The following PTPRN2 variants were observed in gnomAD, a reference collection of about 807,000 sequenced individuals.
PTPRN2 encodes the protein receptor-type tyrosine-protein phosphatase N2.
Under a neutral mutation model 118.8 loss-of-function variants are expected in PTPRN2, and 74 were observed. The ratio of observed to expected loss-of-function variants is 0.62; its 90% confidence interval spans 0.52 to 0.76. PTPRN2 has a LOEUF of 0.76. Among genes scored for constraint, PTPRN2 ranks in the 30% least tolerant of loss-of-function variants. PTPRN2 has a pLI of 0.00. For missense variants in PTPRN2, 1,481 were observed against 1,394.4 expected, an observed-to-expected ratio of 1.06 and a Z score of -0.99; for synonymous variants, 641 against 608.0, an observed-to-expected ratio of 1.05 and a Z score of -0.80.
chr7:158,532,238 T>C (rs1251151276), intron 1 of PTPRN2, among the ~76,000 whole-genome samples: 1 of 152,184 alleles, frequency 6.6e-6, no homozygotes, highest in Non-Finnish European at 1.5e-5. Flanking sequence ...CCTCAGCTCG[T>C]CGGGCACGAC....
chr7:158,052,204 T>C (rs1809377566), intron 11 of PTPRN2, among the ~76,000 whole-genome samples: 1 of 152,236 alleles, frequency 6.6e-6, no homozygotes, highest in Admixed American at 6.5e-5. Flanking sequence ...GGAAATGTTT[T>C]TGTGAAACGT....
intron 2 of PTPRN2, among the ~76,000 whole-genome samples, chr7:158,425,976 C>T (rs1430568511): frequency 4.2e-3 from 437 of 104,612 alleles, no homozygotes; most frequent in Non-Finnish European, 6.1e-3. Flanking sequence ...CCGAGACCAG[C>T]CTAGCTGGGG....
At chr7:158,145,586 G>A (rs900835712) in intron 6 of PTPRN2, among the ~76,000 whole-genome samples, 20 of 152,190 alleles carry the variant, frequency 1.3e-4, no homozygotes, top group East Asian at 1.9e-4. Context: ...CAGGCACGGC[G>A]GGAAAGCCAG....
At chr7:158,477,756 C>T (rs1296626301) in intron 2 of PTPRN2, among the ~76,000 whole-genome samples, 1 of 152,246 alleles carries the variant, frequency 6.6e-6, no homozygotes, top group Non-Finnish European at 1.5e-5. Context: ...AAGGCAGCAT[C>T]ACCCACCCCT....
intron 12 of PTPRN2, among the ~76,000 whole-genome samples, chr7:157,696,430 C>T (rs956042831): frequency 1.0e-4 from 14 of 139,030 alleles, no homozygotes; most frequent in African/African-American, 3.7e-4. Flanking sequence ...ACCATCTACC[C>T]ATGCATACTG....
intron 12 of PTPRN2, among the ~76,000 whole-genome samples, chr7:157,725,565 G>A (rs7781613): frequency 5.2e-3 from 422 of 81,390 alleles, no homozygotes; most frequent in African/African-American, 6.7e-3. Context: ...ACACGCAGAG[G>A]AGTGAGCCAG....
In PTPRN2 at chr7:157,903,685, A is replaced by G. The variant is rs1435225701; in HGVS notation, c.1724-4948T>C. Among the ~76,000 whole-genome samples the G allele has an allele frequency of 6.6e-6, 1 of 151,570 alleles. No homozygotes were observed. Among genetic ancestry groups the G allele is most frequent in the Non-Finnish European group, 1.5e-5 (1 of 67,942 alleles). ...ATACTAAAAGGTTTTAAGAGAGTAC[A>G]AGGGACAGTTTCATTCTCGAGCTAA... On this transcript the variant is annotated intron_variant, in intron 11 of 22. Coordinates refer to ENST00000389418, the MANE Select transcript of PTPRN2 (RefSeq NM_002847.5). This position sits in a 1 kb window ranked among gnomAD's most constrained non-coding sequence, Gnocchi z 4.2.
intron 11 of PTPRN2, among the ~76,000 whole-genome samples, chr7:158,012,355 C>T (rs1451719801): frequency 2.0e-5 from 3 of 152,142 alleles, no homozygotes; most frequent in Non-Finnish European, 4.4e-5. Flanking sequence ...AGCAAGCTTA[C>T]ATCACTCAGA....
At chr7:158,331,441 T>A (rs367633687) in intron 2 of PTPRN2, among the ~76,000 whole-genome samples, 1 of 132,880 alleles carries the variant, frequency 7.5e-6, no homozygotes, top group Non-Finnish European at 1.7e-5. Flanking sequence ...ACACCCATAC[T>A]CTCACCATAA....
rs565252231 is a variant in PTPRN2 at position 158,318,529 on chromosome 7, G to A, written c.164-1597C>T. Among the ~76,000 whole-genome samples, 35 of 152,224 alleles carry A rather than the reference G, an allele frequency of 2.3e-4. 1 individual carries two copies. Among genetic ancestry groups the A allele is most frequent in the Admixed American group, 6.5e-4 (10 of 15,298 alleles). On this transcript the variant is annotated intron_variant, in intron 2 of 22. Transcript: ENST00000389418. ...AAGCCAGGTTCCTGGACCCCCAAGC[G>A]GGGCCCAAGTCAGTGACCACCTAAT...
intron 2 of PTPRN2, among the ~76,000 whole-genome samples, chr7:158,317,676 C>G (rs998396736): frequency 4.6e-5 from 7 of 152,200 alleles, no homozygotes; most frequent in Non-Finnish European, 5.9e-5. Flanking sequence ...TTAATTCAGG[C>G]GCTACTGCTT....
At position 157,560,057 on chromosome 7, in the gene PTPRN2, G is replaced by A. The variant is rs1799101940; in HGVS notation, c.2902+8845C>T. ...TTGCAGAAGGGACAGCCCTCGGCCAGGTGGGACCTGAACGACATTTTGCGG... is the reference window on the plus strand; with the variant it reads ...TTGCAGAAGGGACAGCCCTCGGCCAAGTGGGACCTGAACGACATTTTGCGG... On this transcript the variant is annotated intron_variant, in intron 21 of 22. Transcript: ENST00000389418. This position sits in a 1 kb window ranked among gnomAD's most constrained non-coding sequence, Gnocchi z 6.7. Among the ~76,000 whole-genome samples the A allele has an allele frequency of 6.6e-6, 1 of 152,192 alleles. No homozygotes were observed. Among genetic ancestry groups the A allele is most frequent in the Non-Finnish European group, 1.5e-5 (1 of 68,028 alleles).
chr7:158,380,180 T>C (rs1378477730), intron 2 of PTPRN2, among the ~76,000 whole-genome samples: 3 of 152,088 alleles, frequency 2.0e-5, no homozygotes, highest in Non-Finnish European at 4.4e-5. Flanking sequence ...TTAAAACCAA[T>C]CATATCTTCC....
chr7:158,024,361 CCT>C (rs1410458958), intron 11 of PTPRN2, among the ~76,000 whole-genome samples: 7 of 152,316 alleles, frequency 4.6e-5, no homozygotes, highest in East Asian at 1.9e-4. Context: ...ACACAGGTTC[CCT>C]GAGCTGTCCA....
At position 158,525,290 on chromosome 7, in the gene PTPRN2, A is replaced by AAC. The variant is rs1032749707; in HGVS notation, c.113-35507_113-35506dup. On this transcript the variant is annotated intron_variant, in intron 1 of 22. Transcript: ENST00000389418. The surrounding 1 kb of genome is among the most constrained non-coding windows in gnomAD (Gnocchi z 4.1). Reference sequence around the variant, plus strand: ...TGGAAACTGGGCATCTGCCAAGGAGAACACACGGCCCCCTAATGTGCAACA... The same window carrying AAC: ...TGGAAACTGGGCATCTGCCAAGGAGAACACACACGGCCCCCTAATGTGCAACA... Among the ~76,000 whole-genome samples, 1 of 152,156 alleles carries AAC rather than the reference A, an allele frequency of 6.6e-6. No homozygotes were observed. Among genetic ancestry groups the AAC allele is most frequent in the Non-Finnish European group, 1.5e-5 (1 of 68,016 alleles).
chr7:158,580,249 G>T (rs1380264887), intron 1 of PTPRN2, among the ~76,000 whole-genome samples: 1 of 152,192 alleles, frequency 6.6e-6, no homozygotes, highest in Non-Finnish European at 1.5e-5. Context: ...CTGCTGCTTT[G>T]AGCTGGATTA....
At chr7:158,318,920 C>CT (rs1032142569) in intron 2 of PTPRN2, among the ~76,000 whole-genome samples, 17 of 152,326 alleles carry the variant, frequency 1.1e-4, no homozygotes, top group Admixed American at 9.8e-4. Flanking sequence ...TGAGGATCCC[C>CT]TTCCCAGGCA....
At chr7:158,033,239 T>C (rs189041238) in intron 11 of PTPRN2, among the ~76,000 whole-genome samples, 5 of 128,902 alleles carry the variant, frequency 3.9e-5, no homozygotes, top group African/African-American at 1.6e-4. Flanking sequence ...GGGCCACACA[T>C]GGAGCTGTGG....
At chr7:157,653,759 C>T (rs898074194) in intron 14 of PTPRN2, among the ~76,000 whole-genome samples, 10 of 152,158 alleles carry the variant, frequency 6.6e-5, no homozygotes, top group Middle Eastern at 6.8e-3. Context: ...CCAAGGCCCA[C>T]GTCTGGCCCA....
Sources: allele counts gnomAD v4.1 joint callset (sites outside exome capture counted in the v4.1 genomes callset), GRCh38; gene constraint gnomAD v4.1.1; non-coding constraint Gnocchi (gnomAD v3.1); transcripts MANE v1.5; gene names NCBI Gene and HGNC (gene_info 2026-07-23, HGNC 2026-07-21).